The following TMEM181 variants were observed in gnomAD, a reference collection of about 807,000 sequenced individuals.
TMEM181 encodes the protein G protein-coupled receptor 178.
A neutral mutation model predicts 71.9 loss-of-function variants in TMEM181; 39 were observed. That is an observed-to-expected ratio of 0.54 (90% CI 0.42 to 0.71). The LOEUF (loss-of-function observed/expected upper bound fraction) is 0.71. Among genes scored for constraint, TMEM181 ranks in the 30% least tolerant of loss-of-function variants. The pLI is 0.00. For synonymous variants in TMEM181, 245 were observed against 228.8 expected (o/e 1.07, Z -0.64); for missense variants, 595 against 583.0 (o/e 1.02, Z -0.21).
chr6:158,585,432 G>T lies in TMEM181; in HGVS notation c.381+7G>T. ...GACCCTCACATGTGCAGGGGTGAGT[G>T]TGTGGGGTGAGCCCCACAGTCAGTC... On this transcript the variant is annotated splice_region_variant and intron_variant, in intron 5 of 16. Transcript: ENST00000684151. 6.3e-7 allele frequency: 1 copy of T among 1,579,286 alleles called. No individual in the cohort carries two copies.
At chr6:158,583,899 A>G in intron 3 of TMEM181, 55 bp from the exon 4 acceptor site, 1 of 1,343,818 alleles carries the variant, frequency 7.4e-7, no homozygotes, top group Non-Finnish European at 1.0e-6. Context: ...ACGATGAGGT[A>G]TTTGGTAGAC....
At chr6:158,578,573 C>G (rs1038856132) in intron 2 of TMEM181, among the ~76,000 whole-genome samples, 1 of 151,816 alleles carries the variant, frequency 6.6e-6, no homozygotes, top group Admixed American at 6.6e-5. Flanking sequence ...TTGAAAGAGG[C>G]GGGGATGGAG....
At chr6:158,550,911 AAAG>A (rs1205551242) in intron 1 of TMEM181, among the ~76,000 whole-genome samples, 1 of 150,380 alleles carries the variant, frequency 6.6e-6, no homozygotes, top group Non-Finnish European at 1.5e-5. Context: ...AAAAAAAAAA[AAAG>A]AACCAATAAT....
At chr6:158,559,707 G>A (rs2128284140), upstream of TMEM181, among the ~76,000 whole-genome samples, 1 of 152,282 alleles carries the variant, frequency 6.6e-6, no homozygotes. Flanking sequence ...AGACCCTTAG[G>A]GAATGAATAT....
rs149735409 is a variant in TMEM181 at position 158,544,182 on chromosome 6, A to AGAGAGTGTGTGTGT, written c.131+7318_131+7319insAGAGTGTGTGTGTG. ...GGTTTCTCAGGTGCAAATTGGAGAG[A>AGAGAGTGTGTGTGT]GTGTGTGTGTGTGTGTGTGTGTGTG... On this transcript the variant is annotated intron_variant, in intron 1 of 16. Coordinates refer to the TMEM181 transcript ENST00000367090. 9.6e-4 allele frequency among the ~76,000 whole-genome samples: 122 copies of AGAGAGTGTGTGTGT among 127,646 alleles called. 1 individual carries two copies. The highest frequency in any genetic ancestry group is 3.5e-3 in the African/African-American group (114 of 32,942). 83.7% of individuals were successfully genotyped at this position (127,646 alleles called of 152,430 possible). A position where few individuals can be genotyped will look rare whatever the true frequency, so the allele number is the denominator to read the frequency against.
intron 1 of TMEM181, among the ~76,000 whole-genome samples, chr6:158,539,211 C>T (rs997304938): frequency 1.6e-4 from 24 of 152,224 alleles, no homozygotes; most frequent in African/African-American, 5.5e-4. Context: ...CACAAGTTGA[C>T]TGCAGAGTAC....
chr6:158,559,472 A>C (rs892362859), upstream of TMEM181, among the ~76,000 whole-genome samples: 3 of 152,234 alleles, frequency 2.0e-5, no homozygotes, highest in African/African-American at 7.2e-5. Flanking sequence ...TGCTCCAAAG[A>C]GAATCTCAGA....
At chr6:158,608,251 G>C in intron 8 of TMEM181, 82 bp from the exon 9 acceptor site, 4 of 1,554,284 alleles carry the variant, frequency 2.6e-6, no homozygotes, top group Non-Finnish European at 3.5e-6. Context: ...GCTAGGTGCT[G>C]ACCCCGCAGA....
intron 6 of TMEM181, among the ~76,000 whole-genome samples, chr6:158,601,009 T>A (rs1784639129): frequency 6.6e-6 from 1 of 152,190 alleles, no homozygotes; most frequent in South Asian, 2.1e-4. Flanking sequence ...AGAGTATGTT[T>A]GTTCGACTAA....
rs781561706 is a variant in TMEM181 at position 158,625,146 on chromosome 6, C to G, written c.997C>G (p.Leu333Val). ...CATGGTGGTGGCAGCGGTGTACATT[C>G]TGTACCTCTTGTTCTTGATAGTGCG... ...FFMVVAAVYI[L>V]YLLFLIVRAC... Residue 333 changes from leucine (L) to valine (V), a missense_variant, in exon 12 of 17, where the codon CTG (leucine) becomes GTG (valine). Leu to Val is a conservative substitution (Grantham distance 32). Transcript: ENST00000684151. The G allele has an allele frequency of 1.2e-6, 2 of 1,614,192 alleles. No individual in the cohort carries two copies. The highest frequency in any genetic ancestry group is 2.2e-5 in the East Asian group (1 of 44,888).
chr6:158,539,097 C>G (rs755766136), intron 1 of TMEM181, among the ~76,000 whole-genome samples: 6 of 152,192 alleles, frequency 3.9e-5, no homozygotes, highest in Non-Finnish European at 5.9e-5. Context: ...GCATTTGAGT[C>G]TTTGCTCCAG....
chr6:158,623,222 C>T (rs1358040755), intron 10 of TMEM181, among the ~76,000 whole-genome samples: 1 of 152,162 alleles, frequency 6.6e-6, no homozygotes, highest in East Asian at 1.9e-4. Context: ...TTTCCTAGTA[C>T]TCATACGTGC....
In TMEM181 at chr6:158,608,770, G is replaced by A. The variant is rs114366233; in HGVS notation, c.896+20G>A. The stretch of plus-strand genomic sequence containing the variant: ...GCAAACGTGAGTAATTCTATTATGT[G>A]TGAAACTTCAGTCATGAAAAGCATT... On this transcript the variant is annotated intron_variant, in intron 10 of 16. Coordinates refer to ENST00000684151, the MANE Select transcript of TMEM181 (RefSeq NM_001376852.1). 4,445 of 1,602,022 alleles carry A rather than the reference G, an allele frequency of 2.8e-3. 113 individuals carry two copies. The African/African-American group carries it at 0.053, about 19-fold the overall frequency.
intron 6 of TMEM181, among the ~76,000 whole-genome samples, chr6:158,591,381 G>A (rs1286063548): frequency 1.3e-5 from 2 of 152,102 alleles, no homozygotes; most frequent in South Asian, 4.1e-4. Flanking sequence ...CAGCTGAGCC[G>A]GCTCTCTCGG....
intron 1 of TMEM181, among the ~76,000 whole-genome samples, chr6:158,571,256 C>A (rs1202658599): frequency 6.6e-6 from 1 of 152,086 alleles, no homozygotes; most frequent in Non-Finnish European, 1.5e-5. Context: ...GCCACCGCGC[C>A]CGGCTAATTT....
upstream of TMEM181, among the ~76,000 whole-genome samples, chr6:158,556,597 C>T (rs142363244): frequency 1.4e-3 from 207 of 152,280 alleles, no homozygotes; most frequent in African/African-American, 4.8e-3. Flanking sequence ...GCCAGTCTCG[C>T]GTTGGACAGG....
intron 3 of TMEM181, among the ~76,000 whole-genome samples, 173 bp downstream of exon 3, chr6:158,581,168 A>G (rs1783448717): frequency 6.6e-6 from 1 of 152,226 alleles, no homozygotes; most frequent in East Asian, 1.9e-4. Flanking sequence ...CTTGTTTGCT[A>G]AAGTCACCAT....
chr6:158,569,444 T>C (rs868708024), intron 1 of TMEM181, among the ~76,000 whole-genome samples: 1 of 152,192 alleles, frequency 6.6e-6, no homozygotes, highest in Non-Finnish European at 1.5e-5. Context: ...CTTTTTTCCT[T>C]TGAGTTGGAT....
intron 6 of TMEM181, among the ~76,000 whole-genome samples, chr6:158,594,250 C>T (rs9355247): frequency 6.6e-6 from 1 of 151,478 alleles, no homozygotes; most frequent in Admixed American, 6.6e-5. Context: ...AGGTGCGCAC[C>T]ACTATGCGTG....
Sources: allele counts gnomAD v4.1 joint callset (sites outside exome capture counted in the v4.1 genomes callset), GRCh38; gene constraint gnomAD v4.1.1; transcripts MANE v1.5; gene names NCBI Gene and HGNC (gene_info 2026-07-23, HGNC 2026-07-21).